The following GK variants were observed in gnomAD, a reference collection of about 807,000 sequenced individuals.
GK encodes the protein glycerol kinase, also known as ATP:glycerol 3-phosphotransferase.
GK carries 9 observed loss-of-function variants against 56.4 expected under a neutral mutation model. The observed-to-expected ratio is 0.16, with a 90% confidence interval of 0.10 to 0.28. The LOEUF (loss-of-function observed/expected upper bound fraction) is 0.28, where lower values mean the gene tolerates loss of function less well. GK is among the 10% of genes least tolerant of loss of function. The pLI is 1.00. For synonymous variants in GK, 104 were observed against 144.1 expected (o/e 0.72, Z 1.99); for missense variants, 161 against 431.4 (o/e 0.37, Z 5.55).
At chrX:30,695,191 A>T in intron 6 of GK, 1 of 898,914 alleles carries the variant, frequency 1.1e-6, no homozygotes, top group Non-Finnish European at 1.4e-6. Flanking sequence ...TATTGTCCCC[A>T]CTCTCACTTG....
At chrX:30,728,306 T>C (rs183289813) in intron 20 of GK, among the ~76,000 whole-genome samples, 10 of 103,771 alleles carry the variant, frequency 9.6e-5, no homozygotes, top group African/African-American at 3.5e-4. Flanking sequence ...ATGATGCTTC[T>C]TATTCTGTAT....
chrX:30,724,828 G>T lies in GK; in HGVS notation c.1582+647G>T, dbSNP rs191562624. 4.5e-5 allele frequency among the ~76,000 whole-genome samples: 5 copies of T among 111,228 alleles called. No individual in the cohort carries two copies. The East Asian group carries it at 1.4e-3, about 31-fold the overall frequency. On this transcript the variant is annotated intron_variant, in intron 19 of 20. Coordinates refer to ENST00000427190, the MANE Select transcript of GK (RefSeq NM_001205019.2). The stretch of plus-strand genomic sequence containing the variant: ...ATAGTATTATTATTTTTTGCTAAAT[G>T]CAAGATGTGGAGCATAATGAATGGA...
At chrX:30,664,630 A>G (rs1022394656) in intron 1 of GK, among the ~76,000 whole-genome samples, 2 of 108,514 alleles carry the variant, frequency 1.8e-5, no homozygotes, top group Middle Eastern at 8.6e-3. Context: ...TATGACAAGC[A>G]TGTCACAGAG....
chrX:30,661,620 A>G (rs913862340), intron 1 of GK, among the ~76,000 whole-genome samples: 60 of 111,024 alleles, frequency 5.4e-4, no homozygotes, highest in Admixed American at 7.8e-4. Flanking sequence ...AGAAGTTACC[A>G]CTTCTGAGAG....
At chrX:30,706,009 T>C (rs980380461) in intron 11 of GK, among the ~76,000 whole-genome samples, 4 of 112,449 alleles carry the variant, frequency 3.6e-5, no homozygotes, top group Non-Finnish European at 7.5e-5. Context: ...TTTATGAATA[T>C]TTATCACAGT....
At chrX:30,667,383 C>T (rs760748870) in intron 2 of GK, among the ~76,000 whole-genome samples, 196 of 111,049 alleles carry the variant, frequency 1.8e-3, no homozygotes, top group Admixed American at 3.6e-3. Flanking sequence ...TTCTCATTTA[C>T]TATTAGCCTT....
chrX:30,726,413 G>A (rs929377100), intron 19 of GK, among the ~76,000 whole-genome samples: 11 of 107,965 alleles, frequency 1.0e-4, no homozygotes, highest in Admixed American at 3.0e-4. Flanking sequence ...TCAGCCTCCC[G>A]AGTAGCTGGG....
At chrX:30,687,151 T>C (rs1934665594) in intron 4 of GK, among the ~76,000 whole-genome samples, 1 of 111,078 alleles carries the variant, frequency 9.0e-6, no homozygotes. Context: ...TCTAACATCC[T>C]CTAGGATTGT....
intron 19 of GK, chrX:30,724,647 G>A (rs1294057325): frequency 3.2e-6 from 1 of 312,580 alleles, no homozygotes; most frequent in Non-Finnish European, 6.1e-6. Context: ...TTTGGAATCA[G>A]AGAAAGAAAT....
intron 20 of GK, among the ~76,000 whole-genome samples, chrX:30,728,258 T>A (rs1937224596): frequency 9.0e-6 from 1 of 111,457 alleles, no homozygotes; most frequent in Admixed American, 9.6e-5. Flanking sequence ...CTCCTGGTGA[T>A]AGCTCAATTT....
In GK at chrX:30,720,843, T is replaced by G. The variant is rs751341231; in HGVS notation, c.1358-9T>G. ...CCACAAAGATATTGATGGAACTCTC[T>G]CTCCTCAGTGAAGCCCTCAATGCCC... On this transcript the variant is annotated splice_polypyrimidine_tract_variant and intron_variant, in intron 17 of 20. Transcript: ENST00000427190. The G allele has an allele frequency of 5.0e-6, 6 of 1,210,149 alleles. No homozygotes were observed. The highest frequency in any genetic ancestry group is 1.7e-5 in the African/African-American group (1 of 57,281).
At chrX:30,726,034 G>A (rs1937114478) in intron 19 of GK, among the ~76,000 whole-genome samples, 2 of 110,514 alleles carry the variant, frequency 1.8e-5, no homozygotes, top group African/African-American at 3.3e-5. Context: ...CCTCACTAGC[G>A]GTTGAGGATG....
rs746526698 is a variant in GK at position 30,653,509 on chromosome X, C to T, written c.-29C>T. The T allele has an allele frequency of 8.4e-7, 1 of 1,192,410 alleles. No homozygotes were observed. The highest frequency in any genetic ancestry group is 1.8e-5 in the South Asian group (1 of 56,603). On this transcript the variant is annotated 5_prime_UTR_variant, in exon 1 of 21. Coordinates refer to ENST00000427190, the MANE Select transcript of GK (RefSeq NM_001205019.2). ...CCGCCGTCACCCAGGAAACCGGCCGCAATCGCCGGCCGACCTGAAGCTGGT... is the reference window on the plus strand; with the variant it reads ...CCGCCGTCACCCAGGAAACCGGCCGTAATCGCCGGCCGACCTGAAGCTGGT...
intron 1 of GK, among the ~76,000 whole-genome samples, chrX:30,663,704 C>T (rs768739174): frequency 1.8e-4 from 20 of 109,764 alleles, no homozygotes; most frequent in African/African-American, 5.6e-4. Flanking sequence ...CAACATTCAA[C>T]GCTTTTTATT....
At chrX:30,699,247 T>TTG (rs1555916621) in intron 9 of GK, among the ~76,000 whole-genome samples, 53 of 99,146 alleles carry the variant, frequency 5.3e-4, no homozygotes, top group Non-Finnish European at 6.8e-4. Context: ...GTATAACATG[T>TTG]TATATATACA....
At chrX:30,662,703 T>G (rs1825945649) in intron 1 of GK, among the ~76,000 whole-genome samples, 1 of 104,113 alleles carries the variant, frequency 9.6e-6, no homozygotes. Context: ...CTCTCTCTCT[T>G]TCTCTTTTTC....
intron 19 of GK, among the ~76,000 whole-genome samples, chrX:30,724,832 G>A (rs1937067033): frequency 9.0e-6 from 1 of 111,159 alleles, no homozygotes; most frequent in Non-Finnish European, 1.9e-5. Context: ...CTAAATGCAA[G>A]ATGTGGAGCA....
chrX:30,688,279 C>A (rs1934727470), intron 4 of GK, among the ~76,000 whole-genome samples: 1 of 111,243 alleles, frequency 9.0e-6, no homozygotes, highest in Non-Finnish European at 1.9e-5. Context: ...GTGGTCCTTG[C>A]CAAGGAGCAA....
intron 9 of GK, 142 bp downstream of exon 9, chrX:30,697,891 C>A: frequency 2.0e-6 from 1 of 508,742 alleles, no homozygotes. Context: ...ATTATAAGCT[C>A]TAGTCAGATT....
Sources: gnomAD v4.1 joint callset for allele counts (sites outside exome capture counted in the v4.1 genomes callset) on GRCh38, gnomAD v4.1.1 for gene constraint, MANE v1.5 for transcripts, NCBI Gene and HGNC (gene_info 2026-07-23, HGNC 2026-07-21) for gene names.